SSBP3: variants seen among roughly 807,000 people sequenced by gnomAD.
The protein encoded by SSBP3 is single-stranded DNA-binding protein 3.
In SSBP3, 5 loss-of-function variants were observed where a neutral mutation model predicts 69.6. The observed-to-expected ratio is 0.07, with a 90% CI of 0.04 to 0.15. SSBP3 has a LOEUF of 0.15. SSBP3 is among the 10% of genes least tolerant of loss of function. SSBP3 has a pLI of 1.00. For missense variants in SSBP3, 312 were observed against 534.0 expected (o/e 0.58, Z 4.10); for synonymous variants, 196 against 193.4 (o/e 1.01, Z -0.11).
At chr1:54,346,449 T>C (rs950101575) in intron 4 of SSBP3, among the ~76,000 whole-genome samples, 1 of 151,762 alleles carries the variant, frequency 6.6e-6, no homozygotes, top group Non-Finnish European at 1.5e-5. Context: ...ATGCTGGGGG[T>C]TGAATTGTGT....
chr1:54,309,117 G>A (rs1037721111), intron 4 of SSBP3, among the ~76,000 whole-genome samples: 9 of 152,126 alleles, frequency 5.9e-5, no homozygotes, highest in African/African-American at 1.9e-4. Flanking sequence ...ACAAGCAAAC[G>A]GAACACACCA....
At chr1:54,230,677 C>G (rs1026180823) in intron 14 of SSBP3, among the ~76,000 whole-genome samples, 1 of 152,152 alleles carries the variant, frequency 6.6e-6, no homozygotes, top group African/African-American at 2.4e-5. Context: ...TCATTTCTGT[C>G]CTCCTCCAAC....
chr1:54,289,028 AAAAAAAAAC>A (rs1202332524), intron 4 of SSBP3, among the ~76,000 whole-genome samples: 1 of 74,532 alleles, frequency 1.3e-5, no homozygotes, highest in African/African-American at 8.2e-5. Context: ...TCCAAAAAAA[AAAAAAAAAC>A]AAAAAAACAA....
intron 5 of SSBP3, among the ~76,000 whole-genome samples, chr1:54,273,491 C>A (rs191921025): frequency 2.0e-5 from 3 of 152,360 alleles, no homozygotes; most frequent in African/African-American, 4.8e-5. Flanking sequence ...CGGTCATCTG[C>A]CGCTGGGCAG....
At chr1:54,359,613 C>CT (rs1479209221) in intron 4 of SSBP3, among the ~76,000 whole-genome samples, 2 of 152,240 alleles carry the variant, frequency 1.3e-5, no homozygotes, top group Non-Finnish European at 2.9e-5. Flanking sequence ...ACCTACTCTT[C>CT]TTCCCGGCTG....
At chr1:54,400,546 T>C (rs1419363912) in intron 4 of SSBP3, among the ~76,000 whole-genome samples, 1 of 152,200 alleles carries the variant, frequency 6.6e-6, no homozygotes, top group Admixed American at 6.5e-5. Flanking sequence ...TCCCTTTCAC[T>C]ACCATGCAAG....
intron 4 of SSBP3, among the ~76,000 whole-genome samples, chr1:54,390,028 T>C (rs140587841): frequency 7.9e-5 from 12 of 152,158 alleles, no homozygotes; most frequent in East Asian, 7.7e-4. Context: ...AGTATGACAA[T>C]AGACAAAACC....
chr1:54,350,997 T>C (rs1167275265), intron 4 of SSBP3, among the ~76,000 whole-genome samples: 3 of 152,060 alleles, frequency 2.0e-5, no homozygotes, highest in Non-Finnish European at 4.4e-5. Context: ...GCTAATCTTT[T>C]TGTATTTTTT....
Position 54,227,187 on chromosome 1 carries a change from G to C in SSBP3, c.1138-27C>G, listed in dbSNP as rs553040722. 287 of 1,145,972 alleles carry C rather than the reference G, an allele frequency of 2.5e-4. 15 individuals carry two copies. In the East Asian group the frequency reaches 6.2e-3, roughly 25 times the overall value. 71.0% of individuals were successfully genotyped at this position (1,145,972 alleles called of 1,614,324 possible). The stretch of plus-strand genomic sequence containing the variant: ...TGGAAAGGAGAAGCAGAGAAGGGGG[G>C]GGGGTGAGGATTGTGGGGAGGCCGC... On this transcript the variant is annotated intron_variant, in intron 17 of 17. Coordinates refer to ENST00000610401, the Ensembl canonical transcript of SSBP3.
At chr1:54,322,730 A>T (rs1646236138) in intron 4 of SSBP3, among the ~76,000 whole-genome samples, 1 of 151,796 alleles carries the variant, frequency 6.6e-6, no homozygotes, top group Admixed American at 6.6e-5. Context: ...CCTACCCCCC[A>T]ACCCCGGCAC....
chr1:54,277,288 C>T (rs1381039756), intron 5 of SSBP3, among the ~76,000 whole-genome samples: 1 of 152,006 alleles, frequency 6.6e-6, no homozygotes, highest in Non-Finnish European at 1.5e-5. Context: ...TTCTCAGCAG[C>T]CACCACACAT....
At chr1:54,257,151 C>T (rs757935144) in exon 7 of SSBP3, 17 of 1,602,028 alleles carry the variant, frequency 1.1e-5, no homozygotes, top group Admixed American at 7.0e-5. Flanking sequence ...TGATCGGGGG[C>T]CTGGGGCCGC....
At chr1:54,316,328 G>A (rs1005086606) in intron 4 of SSBP3, among the ~76,000 whole-genome samples, 2 of 148,530 alleles carry the variant, frequency 1.3e-5, no homozygotes, top group African/African-American at 5.0e-5. Context: ...GGACGACAGA[G>A]CGAGACTCTG....
chr1:54,327,648 A>C (rs1332597499), intron 4 of SSBP3, among the ~76,000 whole-genome samples: 1 of 152,170 alleles, frequency 6.6e-6, no homozygotes, highest in Non-Finnish European at 1.5e-5. Context: ...GAGGGCAGAC[A>C]GGCATAGTGG....
chr1:54,387,977 T>G (rs1055953727), intron 4 of SSBP3, among the ~76,000 whole-genome samples: 9 of 152,152 alleles, frequency 5.9e-5, no homozygotes, highest in Non-Finnish European at 8.8e-5. Context: ...AATTCCCAAA[T>G]TCACACACGT....
At chr1:54,264,999 A>G (rs1222666721) in intron 5 of SSBP3, among the ~76,000 whole-genome samples, 2 of 152,158 alleles carry the variant, frequency 1.3e-5, no homozygotes, top group African/African-American at 4.8e-5. Flanking sequence ...CAAAATTACA[A>G]TAATTATACA....
chr1:54,250,535 C>T (rs985104124), intron 9 of SSBP3, among the ~76,000 whole-genome samples: 1 of 79,852 alleles, frequency 1.3e-5, no homozygotes. Context: ...CACGTGTGGG[C>T]GGGAATGGGG....
In SSBP3 at chr1:54,240,123, A is replaced by ATG. The variant is rs1557449311; in HGVS notation, c.856+781_856+782insCA. Among the ~76,000 whole-genome samples the ATG allele has an allele frequency of 3.1e-3, 32 of 10,462 alleles. 1 individual carries two copies. In the South Asian group the frequency reaches 0.07, roughly 23 times the overall value. 6.9% of individuals were successfully genotyped at this position (10,462 alleles called of 152,430 possible). ...GCGTGTGCGTGCGCGCGCGCGCGCA[A>ATG]CACATGCCCACGTATGTGCACGCAT... On this transcript the variant is annotated intron_variant, in intron 13 of 17. Transcript: ENST00000610401.
At chr1:54,287,858 C>G (rs1415391719) in intron 4 of SSBP3, among the ~76,000 whole-genome samples, 1 of 152,156 alleles carries the variant, frequency 6.6e-6, no homozygotes, top group East Asian at 1.9e-4. Context: ...TTTTGGAGAA[C>G]AGGGGCTCTA....
Sources: allele counts gnomAD v4.1 joint callset (sites outside exome capture counted in the v4.1 genomes callset), GRCh38; gene constraint gnomAD v4.1.1; transcripts MANE v1.5; gene names NCBI Gene and HGNC (gene_info 2026-07-23, HGNC 2026-07-21).